TMEM232: variants seen among roughly 807,000 people sequenced by gnomAD.
TMEM232 encodes transmembrane protein 232.
Under a neutral mutation model 78.8 loss-of-function variants are expected in TMEM232, and 80 were observed. The ratio of observed to expected loss-of-function variants is 1.01; its 90% CI spans 0.85 to 1.22. TMEM232 has a LOEUF of 1.22. TMEM232 is among the 50% of genes most tolerant of loss of function. TMEM232 has a pLI of 0.00. For synonymous variants in TMEM232, 297 were observed against 254.3 expected (o/e 1.17, Z -1.60); for missense variants, 881 against 742.2 (o/e 1.19, Z -2.17).
At chr5:110,458,311 G>C (rs975125797) in intron 12 of TMEM232, among the ~76,000 whole-genome samples, 1 of 151,084 alleles carries the variant, frequency 6.6e-6, no homozygotes, top group Non-Finnish European at 1.5e-5. Flanking sequence ...CAGTGCTCTA[G>C]TACAAAACAA....
At chr5:110,610,215 GAA>G (rs1782019766) in intron 8 of TMEM232, among the ~76,000 whole-genome samples, 2 of 146,402 alleles carry the variant, frequency 1.4e-5, no homozygotes, top group Admixed American at 6.7e-5. Flanking sequence ...AGGAAGGAAG[GAA>G]GGGAGGGAGG....
intron 3 of TMEM232, among the ~76,000 whole-genome samples, chr5:110,397,262 T>C (rs192928787): frequency 6.6e-6 from 1 of 152,136 alleles, no homozygotes; most frequent in African/African-American, 2.4e-5. Context: ...TGTTTAAAAT[T>C]TAAATGTTAT....
chr5:110,694,376 C>T (rs1362322427), intron 1 of TMEM232, among the ~76,000 whole-genome samples: 1 of 152,158 alleles, frequency 6.6e-6, no homozygotes, highest in African/African-American at 2.4e-5. Flanking sequence ...ACCATCAAGG[C>T]TGGGAAGAAA....
chr5:110,642,435 ATCAACT>A, intron 2 of TMEM232, 64 bp from the exon 3 acceptor site: 1 of 1,163,122 alleles, frequency 8.6e-7, no homozygotes, highest in East Asian at 2.8e-5. Context: ...ATTTCAATTA[ATCAACT>A]TCCAGTGGCT....
chr5:110,507,589 C>T (rs915785918), intron 12 of TMEM232, among the ~76,000 whole-genome samples: 6 of 152,172 alleles, frequency 3.9e-5, no homozygotes, highest in African/African-American at 1.4e-4. Flanking sequence ...AATTGCCCCT[C>T]CTAAGCCCAT....
chr5:110,545,820 T>C (rs1453235624), intron 11 of TMEM232, among the ~76,000 whole-genome samples: 2 of 152,016 alleles, frequency 1.3e-5, no homozygotes, highest in East Asian at 1.9e-4. Flanking sequence ...ATATTTTAGG[T>C]CATATACCAG....
chr5:110,539,595 G>T (rs1336632103), intron 11 of TMEM232, among the ~76,000 whole-genome samples: 1 of 152,118 alleles, frequency 6.6e-6, no homozygotes, highest in Non-Finnish European at 1.5e-5. Context: ...CAATACACTT[G>T]GACAGTGCTC....
chr5:110,424,832 A>G lies in TMEM232; in HGVS notation c.1788T>C (p.Ile596=). ...AAAAAATCAATCTTACGTGATGGTCAATGATTTTTGCCAACTCTTTATCTG... is the reference window on the plus strand; with the variant it reads ...AAAAAATCAATCTTACGTGATGGTCGATGATTTTTGCCAACTCTTTATCTG... ...TKADKELAKI[I]DHHWQEELKI... The change falls in exon 13 of 14, where the codon ATT becomes ATC. Residue 596 remains isoleucine (I), a synonymous_variant. Transcript: ENST00000455884. 6.5e-7 allele frequency: 1 copy of G among 1,548,722 alleles called. No homozygotes were observed. The highest frequency in any genetic ancestry group is 8.7e-7 in the Non-Finnish European group (1 of 1,145,460).
intron 5 of TMEM232, among the ~76,000 whole-genome samples, chr5:110,630,758 A>G (rs150260889): frequency 2.6e-5 from 4 of 152,236 alleles, no homozygotes; most frequent in Admixed American, 1.3e-4. Flanking sequence ...AGAATGAACT[A>G]ATACAGAAGG....
chr5:110,407,681 T>C (rs558045514), intron 2 of TMEM232, among the ~76,000 whole-genome samples: 46 of 152,286 alleles, frequency 3.0e-4, no homozygotes, highest in African/African-American at 1.0e-3. Context: ...ATAGGCCTAA[T>C]TGACATTTAC....
chr5:110,401,687 A>G (rs1755604400), intron 2 of TMEM232, among the ~76,000 whole-genome samples: 1 of 152,134 alleles, frequency 6.6e-6, no homozygotes, highest in African/African-American at 2.4e-5. Flanking sequence ...CTTCTCATGT[A>G]GGTCAAGAGC....
intron 2 of TMEM232, among the ~76,000 whole-genome samples, chr5:110,652,294 G>GCGCGCA (rs1554069154): frequency 6.9e-6 from 1 of 145,360 alleles, no homozygotes; most frequent in Non-Finnish European, 1.5e-5. Flanking sequence ...GCACGCGCGC[G>GCGCGCA]CACACACACA....
chr5:110,639,947 C>T (rs1443768124), intron 4 of TMEM232, among the ~76,000 whole-genome samples: 1 of 152,220 alleles, frequency 6.6e-6, no homozygotes, highest in Admixed American at 6.5e-5. Flanking sequence ...GGCCCAATTC[C>T]TAACAGACCA....
At chr5:110,645,109 C>T (rs1787299201) in intron 2 of TMEM232, among the ~76,000 whole-genome samples, 1 of 151,344 alleles carries the variant, frequency 6.6e-6, no homozygotes, top group African/African-American at 2.4e-5. Flanking sequence ...CAAAGAAAAG[C>T]CCAGGACCAG....
intron 10 of TMEM232, among the ~76,000 whole-genome samples, chr5:110,585,085 G>A (rs1296360093): frequency 6.6e-6 from 1 of 152,062 alleles, no homozygotes. Context: ...AATATGTAAG[G>A]ACGATTCCCA....
chr5:110,724,175 A>C (rs142348849), intron 1 of TMEM232, among the ~76,000 whole-genome samples: 1,842 of 152,270 alleles, frequency 0.012, 47 homozygotes, highest in African/African-American at 0.041. Flanking sequence ...TTGTTTGCAA[A>C]GTACTTTCAC....
chr5:110,392,574 C>T (rs1276027515), intron 3 of TMEM232, among the ~76,000 whole-genome samples: 1 of 152,174 alleles, frequency 6.6e-6, no homozygotes, highest in Non-Finnish European at 1.5e-5. Flanking sequence ...CTCTTACTGG[C>T]TGCAGATAGC....
chr5:110,455,945 C>A (rs1760851377), intron 12 of TMEM232, among the ~76,000 whole-genome samples: 1 of 152,130 alleles, frequency 6.6e-6, no homozygotes, highest in Admixed American at 6.5e-5. Context: ...TAGAAGAAAA[C>A]TTCCTCAACC....
At chr5:110,673,158 A>G (rs1791581783) in intron 1 of TMEM232, among the ~76,000 whole-genome samples, 1 of 152,192 alleles carries the variant, frequency 6.6e-6, no homozygotes, top group African/African-American at 2.4e-5. Context: ...TTGTAGGGAC[A>G]TGGGTGAAGC....
Sources: gnomAD v4.1 joint callset for allele counts (sites outside exome capture counted in the v4.1 genomes callset) on GRCh38, gnomAD v4.1.1 for gene constraint, MANE v1.5 for transcripts, NCBI Gene and HGNC (gene_info 2026-07-23, HGNC 2026-07-21) for gene names.